TAFA2: variants seen among roughly 807,000 people sequenced by gnomAD.
TAFA2 encodes the protein chemokine-like protein TAFA-2.
In TAFA2, 7 loss-of-function variants were observed where a neutral mutation model predicts 18.8. That is an observed-to-expected ratio of 0.37 (90% CI 0.21 to 0.70). The LOEUF is 0.70. Ranked by LOEUF, TAFA2 falls within the 30% of genes least tolerant of loss-of-function variation. TAFA2 has a pLI of 0.53. For missense variants in TAFA2, 122 were observed against 158.1 expected (o/e 0.77, Z 1.23); for synonymous variants, 60 against 54.2 (o/e 1.11, Z -0.47).
intron 2 of TAFA2, among the ~76,000 whole-genome samples, chr12:61,820,418 G>A (rs1872269425): frequency 6.6e-6 from 1 of 151,864 alleles, no homozygotes; most frequent in Non-Finnish European, 1.5e-5. Context: ...ACTCTAATAA[G>A]CAGTAATAGT....
chr12:61,730,682 G>A (rs1488160079), intron 4 of TAFA2, among the ~76,000 whole-genome samples: 1 of 152,018 alleles, frequency 6.6e-6, no homozygotes, highest in Non-Finnish European at 1.5e-5. Flanking sequence ...AGGTCACCAG[G>A]TAAGTGGGGA....
At chr12:61,796,692 G>T (rs1871202270) in intron 2 of TAFA2, among the ~76,000 whole-genome samples, 1 of 152,104 alleles carries the variant, frequency 6.6e-6, no homozygotes, top group Non-Finnish European at 1.5e-5. Flanking sequence ...TTAAAATTGT[G>T]CTTTGATTTG....
At chr12:61,918,286 T>TC (rs1222443078) in intron 1 of TAFA2, among the ~76,000 whole-genome samples, 1 of 151,984 alleles carries the variant, frequency 6.6e-6, no homozygotes, top group African/African-American at 2.4e-5. Flanking sequence ...TCATTAACCA[T>TC]CCCCCCTTTT....
chr12:61,776,222 C>G (rs1304230380), intron 2 of TAFA2: 1 of 193,026 alleles, frequency 5.2e-6, no homozygotes, highest in Non-Finnish European at 1.1e-5. Context: ...AGTTTAAGAG[C>G]TGAAATAGCT....
In TAFA2 at chr12:62,240,692, G is replaced by A. The variant is rs547653807; in HGVS notation, c.-130+18071C>T. ...GACCAGAAAAATAGCATCCATTATA[G>A]AATACATCCAATAAAGCAGGGGTTC... On this transcript the variant is annotated intron_variant, in intron 1 of 5. Coordinates refer to the TAFA2 transcript ENST00000551619. Among the ~76,000 whole-genome samples the A allele has an allele frequency of 9.9e-5, 15 of 152,152 alleles. 1 individual carries two copies. The South Asian group carries it at 1.9e-3, about 19-fold the overall frequency.
At chr12:62,253,799 A>C (rs767168907) in intron 1 of TAFA2, 10 of 152,238 alleles carry the variant, frequency 6.6e-5, no homozygotes, top group Non-Finnish European at 1.3e-4. Flanking sequence ...ATTTAAAGTA[A>C]TATATTCACA....
At chr12:62,133,435 T>C (rs1870768396) in intron 1 of TAFA2, among the ~76,000 whole-genome samples, 1 of 151,804 alleles carries the variant, frequency 6.6e-6, no homozygotes, top group Non-Finnish European at 1.5e-5. Flanking sequence ...TTGGATAATG[T>C]AGATACAAAG....
intron 1 of TAFA2, among the ~76,000 whole-genome samples, chr12:62,106,600 G>A (rs922765682): frequency 1.1e-4 from 16 of 152,172 alleles, no homozygotes; most frequent in East Asian, 1.9e-4. Context: ...AAAAGAAAGC[G>A]TAGAAAAATT....
In TAFA2 at chr12:61,757,606, G is replaced by A. The variant is rs116523189; in HGVS notation, c.107-2582C>T. 6.8e-3 allele frequency among the ~76,000 whole-genome samples: 1,027 copies of A among 152,000 alleles called. 5 individuals are homozygous for A. Among genetic ancestry groups the A allele is most frequent in the African/African-American group, 0.023 (968 of 41,490 alleles). ...ACTGAACAAGATTACCACGGAAAAG[G>A]TTTCACCAATAGAAAAAGAAGAAAA... is the stretch of plus-strand genomic sequence containing the variant. On this transcript the variant is annotated intron_variant, in intron 2 of 4. Coordinates refer to ENST00000416284, the MANE Select transcript of TAFA2 (RefSeq NM_178539.5).
intron 1 of TAFA2, among the ~76,000 whole-genome samples, chr12:62,086,046 C>T (rs948793817): frequency 7.9e-5 from 12 of 151,988 alleles, no homozygotes; most frequent in African/African-American, 2.9e-4. Context: ...CTGAGGTCTC[C>T]CAAGAAGCAG....
Position 61,794,813 on chromosome 12 carries a change from T to A in TAFA2, c.107-39789A>T, listed in dbSNP as rs1029928059. ...AGGCAACCCACACAATGGGAAAAAA[T>A]TTTTGCAATCTACTCATCTGACAAA... On this transcript the variant is annotated intron_variant, in intron 2 of 4. Coordinates refer to ENST00000416284, the MANE Select transcript of TAFA2 (RefSeq NM_178539.5). Among the ~76,000 whole-genome samples, 7 of 151,576 alleles carry A rather than the reference T, an allele frequency of 4.6e-5. No individual in the cohort carries two copies. In the East Asian group the frequency reaches 7.8e-4, roughly 17 times the overall value.
intron 1 of TAFA2, among the ~76,000 whole-genome samples, chr12:61,925,421 G>A (rs924591312): frequency 1.3e-5 from 2 of 152,130 alleles, no homozygotes; most frequent in Non-Finnish European, 2.9e-5. Flanking sequence ...TAGAACTCAG[G>A]ATTTAAAAAC....
chr12:62,003,877 T>C (rs1206786266), intron 1 of TAFA2, among the ~76,000 whole-genome samples: 1 of 152,192 alleles, frequency 6.6e-6, no homozygotes, highest in Non-Finnish European at 1.5e-5. Flanking sequence ...CAGACTTGAG[T>C]AGACTTTCAC....
chr12:61,852,764 G>A (rs1873726971), intron 2 of TAFA2, among the ~76,000 whole-genome samples: 1 of 151,890 alleles, frequency 6.6e-6, no homozygotes, highest in Admixed American at 6.6e-5. Flanking sequence ...ACCCAGTTTG[G>A]GACAAATAAT....
chr12:62,182,084 T>A (rs1344646204), intron 1 of TAFA2, among the ~76,000 whole-genome samples: 2 of 150,386 alleles, frequency 1.3e-5, no homozygotes, highest in Non-Finnish European at 3.0e-5. Flanking sequence ...AAGGAATAAG[T>A]CACTATTGAA....
At chr12:62,013,825 C>T (rs567729089) in intron 1 of TAFA2, among the ~76,000 whole-genome samples, 2 of 152,226 alleles carry the variant, frequency 1.3e-5, no homozygotes, top group Non-Finnish European at 2.9e-5. Flanking sequence ...TTTAAGGTCA[C>T]CTTCAAATAT....
At chr12:61,883,126 T>C (rs1042260119) in intron 1 of TAFA2, among the ~76,000 whole-genome samples, 15 of 152,170 alleles carry the variant, frequency 9.9e-5, no homozygotes, top group Non-Finnish European at 1.6e-4. Context: ...CATAATCTGA[T>C]TACAGTTGTA....
chr12:62,000,154 G>A (rs1880331517), intron 1 of TAFA2, among the ~76,000 whole-genome samples: 1 of 151,936 alleles, frequency 6.6e-6, no homozygotes, highest in Non-Finnish European at 1.5e-5. Flanking sequence ...TAAATCACAG[G>A]AAAAAGTTAA....
chr12:62,019,726 G>A (rs528493781), intron 1 of TAFA2, among the ~76,000 whole-genome samples: 51 of 151,342 alleles, frequency 3.4e-4, no homozygotes, highest in Admixed American at 1.1e-3. Flanking sequence ...GTTAAATGAC[G>A]AGTTAATGGG....
Sources: allele counts gnomAD v4.1 joint callset (sites outside exome capture counted in the v4.1 genomes callset), GRCh38; gene constraint gnomAD v4.1.1; transcripts MANE v1.5; gene names NCBI Gene and HGNC (gene_info 2026-07-23, HGNC 2026-07-21).